The following HTR2A variants were observed in gnomAD, a reference collection of about 807,000 sequenced individuals.
HTR2A encodes the protein 5-HT2 receptor.
In HTR2A, 14 loss-of-function variants were observed where a neutral mutation model predicts 31.0. That is an observed-to-expected ratio of 0.45 (90% CI 0.30 to 0.71). The LOEUF (loss-of-function observed/expected upper bound fraction) is 0.71, where lower values mean the gene tolerates loss of function less well. HTR2A is among the 30% of genes least tolerant of loss of function. The pLI is 0.09. For missense variants in HTR2A, 442 were observed against 573.3 expected, an observed-to-expected ratio of 0.77 and a Z score of 2.34; for synonymous variants, 209 against 225.2, an observed-to-expected ratio of 0.93 and a Z score of 0.64.
At chr13:46,866,789 G>A (rs1225260710) in intron 3 of HTR2A, among the ~76,000 whole-genome samples, 3 of 152,196 alleles carry the variant, frequency 2.0e-5, no homozygotes, top group Non-Finnish European at 4.4e-5. Context: ...AACTTTGGGA[G>A]GCCAAGGTGG....
intron 3 of HTR2A, among the ~76,000 whole-genome samples, chr13:46,845,191 A>G (rs771629414): frequency 5.3e-5 from 8 of 152,176 alleles, no homozygotes; most frequent in Non-Finnish European, 1.0e-4. Context: ...ACAGAATGAG[A>G]TCGAGAGGCA....
At chr13:46,870,710 T>C (rs182831659) in intron 3 of HTR2A, among the ~76,000 whole-genome samples, 1 of 152,304 alleles carries the variant, frequency 6.6e-6, no homozygotes, top group East Asian at 1.9e-4. Flanking sequence ...ATCCATCATA[T>C]ACTGTTTTAC....
At chr13:46,873,925 C>A (rs6561336) in intron 3 of HTR2A, among the ~76,000 whole-genome samples, 1,548 of 152,040 alleles carry the variant, frequency 0.01, 24 homozygotes, top group African/African-American at 0.035. Context: ...AAGGCCATAA[C>A]CAGAATCTAA....
rs766775131 is a variant in HTR2A, at chr13:46,835,338, G to C, written c.915C>G (p.Ser305=). The change falls in exon 4 of 4, where the codon TCC becomes TCG. Residue 305 remains serine, a synonymous_variant. Coordinates refer to ENST00000542664, the MANE Select transcript of HTR2A (RefSeq NM_000621.5). ...FQRSIHREPG[S]YTGRRTMQSI... is the part of the protein sequence containing the mutation. ...ACTGCATAGTCCTCCTGCCTGTGTA[G>C]GACCCTGGCTCCCTATGGATCGACC... The C allele has an allele frequency of 6.2e-7, 1 of 1,614,088 alleles. No homozygotes were observed. The highest frequency in any genetic ancestry group is 8.5e-7 in the Non-Finnish European group (1 of 1,180,004).
At chr13:46,844,435 T>G (rs868598982) in intron 3 of HTR2A, among the ~76,000 whole-genome samples, 21 of 152,220 alleles carry the variant, frequency 1.4e-4, no homozygotes, top group African/African-American at 4.8e-4. Flanking sequence ...AATGGACATT[T>G]GTATGATACA....
intron 3 of HTR2A, among the ~76,000 whole-genome samples, chr13:46,879,028 G>T (rs1196218943): frequency 6.6e-6 from 1 of 152,208 alleles, no homozygotes; most frequent in Non-Finnish European, 1.5e-5. Context: ...ATAAGAAACT[G>T]CAGCAAATGT....
chr13:46,877,561 A>G (rs1468664267), intron 3 of HTR2A, among the ~76,000 whole-genome samples: 1 of 152,234 alleles, frequency 6.6e-6, no homozygotes, highest in Non-Finnish European at 1.5e-5. Flanking sequence ...GTCAGACTCC[A>G]GAAATTAATT....
rs536464665 is a variant in HTR2A, at chr13:46,891,351, T to G, written c.613+1039A>C. Among the ~76,000 whole-genome samples the G allele has an allele frequency of 4.6e-5, 7 of 152,376 alleles. No individual in the cohort carries two copies. The East Asian group carries it at 1.3e-3, about 29-fold the overall frequency. On this transcript the variant is annotated intron_variant, in intron 3 of 3. Transcript: ENST00000542664. Reference sequence around the variant, plus strand: ...GGCTGTGGGGCTTTGCACAGCTCATTTTGCTTTTTGAATCCCAGTTTTTCC... The same window carrying G: ...GGCTGTGGGGCTTTGCACAGCTCATGTTGCTTTTTGAATCCCAGTTTTTCC...
At chr13:46,859,431 C>T (rs1950764103) in intron 3 of HTR2A, among the ~76,000 whole-genome samples, 1 of 152,120 alleles carries the variant, frequency 6.6e-6, no homozygotes, top group South Asian at 2.1e-4. Context: ...TTATAAGGTC[C>T]TTCAGGGTTG....
At chr13:46,835,670 A>T in intron 3 of HTR2A, 31 bp from the exon 4 acceptor site, 1 of 1,506,284 alleles carries the variant, frequency 6.6e-7, no homozygotes, top group South Asian at 1.2e-5. Flanking sequence ...AAACATGATT[A>T]TTAAGGAATT....
intron 3 of HTR2A, among the ~76,000 whole-genome samples, chr13:46,876,382 A>G (rs964052044): frequency 1.2e-5 from 1 of 86,070 alleles, no homozygotes; most frequent in African/African-American, 4.3e-5. Context: ...TTGTATTTTG[A>G]TTCATATATA....
chr13:46,863,576 A>C (rs1225015009), intron 3 of HTR2A, among the ~76,000 whole-genome samples: 8 of 149,824 alleles, frequency 5.3e-5, no homozygotes, highest in African/African-American at 2.0e-4. Context: ...TGAGCTATGA[A>C]GTAAGCTGCC....
rs191881246 is a variant in HTR2A at position 46,859,805 on chromosome 13, G to T, written c.614-24166C>A. 2.0e-5 allele frequency among the ~76,000 whole-genome samples: 3 copies of T among 152,198 alleles called. No individual in the cohort carries two copies. The East Asian group carries it at 5.8e-4, about 29-fold the overall frequency. ...ACCCAGCCTCAGGTATTTCTTTACG[G>T]CAATGCAAGAGTGGACTGATACAAG... On this transcript the variant is annotated intron_variant, in intron 3 of 3. Transcript: ENST00000542664.
Position 46,833,741 on chromosome 13 carries a change from C to CAT in HTR2A, c.*1094_*1095dup, listed in dbSNP as rs1876334194. 6.6e-6 allele frequency: 1 copy of CAT among 152,140 alleles called. No individual in the cohort carries two copies. The highest frequency in any genetic ancestry group is 1.5e-5 in the Non-Finnish European group (1 of 68,028). The allele number at this position is 152,140 out of a possible 1,614,324, so 9.4% of individuals were successfully genotyped here. A position where few individuals can be genotyped will look rare whatever the true frequency, so the allele number is the denominator to read the frequency against. ...CTCATATCTAGAAATTTGCTTCACA[C>CAT]ATAAATGTACACTCAATAGATGATT... On this transcript the variant is annotated 3_prime_UTR_variant, in exon 4 of 4. Coordinates refer to ENST00000542664, the MANE Select transcript of HTR2A (RefSeq NM_000621.5).
chr13:46,886,019 G>T (rs1951003695), intron 3 of HTR2A, among the ~76,000 whole-genome samples: 1 of 151,850 alleles, frequency 6.6e-6, no homozygotes, highest in Admixed American at 6.6e-5. Flanking sequence ...AATATTTTTC[G>T]TTTAACTTTG....
intron 3 of HTR2A, among the ~76,000 whole-genome samples, chr13:46,886,907 C>T (rs1176997237): frequency 6.6e-6 from 1 of 152,108 alleles, no homozygotes; most frequent in Non-Finnish European, 1.5e-5. Flanking sequence ...AGGCTTTCAT[C>T]TGGGATCATG....
intron 3 of HTR2A, among the ~76,000 whole-genome samples, chr13:46,883,186 T>G (rs915682907): frequency 4.0e-5 from 6 of 151,804 alleles, no homozygotes; most frequent in African/African-American, 1.4e-4. Flanking sequence ...TCTCTGTCCT[T>G]CAAAGCTTCC....
At chr13:46,841,064 C>T (rs2138188492) in intron 3 of HTR2A, among the ~76,000 whole-genome samples, 1 of 152,244 alleles carries the variant, frequency 6.6e-6, no homozygotes, top group South Asian at 2.1e-4. Context: ...GACAGTTCCT[C>T]CTTCCCACGC....
chr13:46,847,689 C>T (rs1011581047), intron 3 of HTR2A, among the ~76,000 whole-genome samples: 2 of 152,136 alleles, frequency 1.3e-5, no homozygotes, highest in Non-Finnish European at 2.9e-5. Flanking sequence ...CTCTTGTGGT[C>T]ACTGTTCTCG....
Sources: gnomAD v4.1 joint callset for allele counts (sites outside exome capture counted in the v4.1 genomes callset) on GRCh38, gnomAD v4.1.1 for gene constraint, MANE v1.5 for transcripts, NCBI Gene and HGNC (gene_info 2026-07-23, HGNC 2026-07-21) for gene names.